CLYBL: variants seen among roughly 807,000 people sequenced by gnomAD.
The protein encoded by CLYBL is citramalyl-CoA lyase, mitochondrial.
Under a neutral mutation model 38.9 loss-of-function variants are expected in CLYBL, and 31 were observed. The observed-to-expected ratio is 0.80, with a 90% CI of 0.60 to 1.08. CLYBL has a LOEUF of 1.08. CLYBL is among the 50% of genes least tolerant of loss of function. CLYBL has a pLI of 0.00. For synonymous variants in CLYBL, 171 were observed against 158.6 expected (o/e 1.08, Z -0.59); for missense variants, 434 against 411.6 (o/e 1.05, Z -0.47).
intron 1 of CLYBL, among the ~76,000 whole-genome samples, chr13:99,617,651 A>G (rs2046733687): frequency 7.5e-6 from 1 of 134,218 alleles, no homozygotes; most frequent in African/African-American, 2.5e-5. Flanking sequence ...CAGAAGATGT[A>G]AGAGTTTTTT....
chr13:99,814,867 C>A (rs956598289), intron 2 of CLYBL, among the ~76,000 whole-genome samples: 5 of 152,002 alleles, frequency 3.3e-5, no homozygotes. Flanking sequence ...CTCATCTCTA[C>A]AAAAAATCAA....
rs1010886892 is a variant in CLYBL, at chr13:99,822,304, A to G, written c.250-36557A>G. Among the ~76,000 whole-genome samples the G allele has an allele frequency of 3.5e-4, 54 of 152,246 alleles. 1 individual carries two copies. Among genetic ancestry groups the G allele is most frequent in the African/African-American group, 1.3e-3 (54 of 41,468 alleles). On this transcript the variant is annotated intron_variant, in intron 2 of 8. Coordinates refer to ENST00000339105, the MANE Select transcript of CLYBL (RefSeq NM_206808.5). ...GCATACCATCAAGTCCAAAGTAGGT[A>G]GAGAAGAATGTAAATAGCAGAGCAA...
chr13:99,700,565 T>G (rs992284257), intron 1 of CLYBL, among the ~76,000 whole-genome samples: 1 of 152,170 alleles, frequency 6.6e-6, no homozygotes, highest in African/African-American at 2.4e-5. Context: ...GTGGTGTTTG[T>G]GATGGGAAGT....
chr13:99,739,330 T>C (rs1332339549), intron 1 of CLYBL, among the ~76,000 whole-genome samples: 2 of 152,150 alleles, frequency 1.3e-5, no homozygotes, highest in Non-Finnish European at 2.9e-5. Flanking sequence ...TTTTAAGTCA[T>C]ATTTTCATGA....
At chr13:99,748,429 GTTT>G (rs1165919560) in intron 1 of CLYBL, among the ~76,000 whole-genome samples, 36 of 87,684 alleles carry the variant, frequency 4.1e-4, no homozygotes, top group Admixed American at 2.0e-3. Flanking sequence ...CTAGTTTTGT[GTTT>G]TTTTTTTTTT....
chr13:99,617,677 C>G (rs961792772), intron 1 of CLYBL, among the ~76,000 whole-genome samples: 2 of 152,122 alleles, frequency 1.3e-5, no homozygotes, highest in Middle Eastern at 3.2e-3. Context: ...CATTTTAAGG[C>G]AAATGAAAGA....
At position 99,849,123 on chromosome 13, in the gene CLYBL, G is replaced by A. The variant is rs75274492; in HGVS notation, c.250-9738G>A. On this transcript the variant is annotated intron_variant, in intron 2 of 8. Transcript: ENST00000339105. The surrounding 1 kb of genome is among the most constrained non-coding windows in gnomAD (Gnocchi z 4.9). ...CATTACACTCCAGCCTAAGAGACAC[G>A]TGAGACTCCATCTCAAAAAAAGAAA... 0.024 allele frequency among the ~76,000 whole-genome samples: 3,511 copies of A among 148,680 alleles called. 101 individuals are homozygous for A. The highest frequency in any genetic ancestry group is 0.17 in the East Asian group (831 of 4,994).
intron 2 of CLYBL, among the ~76,000 whole-genome samples, chr13:99,777,493 TTTC>T (rs1365131867): frequency 2.7e-5 from 3 of 109,602 alleles, no homozygotes; most frequent in Admixed American, 9.3e-5. Flanking sequence ...TTTCTTTTCT[TTTC>T]TTTTTTTTTT....
chr13:99,832,622 A>T (rs1045888541), intron 2 of CLYBL, among the ~76,000 whole-genome samples: 8 of 152,118 alleles, frequency 5.3e-5, no homozygotes, highest in African/African-American at 1.9e-4. Flanking sequence ...ATAATTCTCT[A>T]GTCCTGAAGT....
At chr13:99,875,118 A>G (rs1239821562) in intron 7 of CLYBL, among the ~76,000 whole-genome samples, 2 of 152,212 alleles carry the variant, frequency 1.3e-5, no homozygotes, top group East Asian at 3.8e-4. Flanking sequence ...CAAGTTGGCT[A>G]AAGACTGAGG....
chr13:99,725,688 G>T (rs1166684317), intron 1 of CLYBL, among the ~76,000 whole-genome samples: 2 of 152,162 alleles, frequency 1.3e-5, no homozygotes, highest in African/African-American at 4.8e-5. Context: ...TGTACGTAAT[G>T]TTTATTTATT....
At chr13:99,811,424 G>A (rs1161386456) in intron 2 of CLYBL, among the ~76,000 whole-genome samples, 1 of 152,182 alleles carries the variant, frequency 6.6e-6, no homozygotes, top group Non-Finnish European at 1.5e-5. Context: ...CAGGAGCCAG[G>A]GAAGGATGGG....
chr13:99,739,985 C>CA lies in CLYBL; in HGVS notation c.63-32832dup, dbSNP rs368060644. Among the ~76,000 whole-genome samples, 575 of 146,456 alleles carry CA rather than the reference C, an allele frequency of 3.9e-3. 7 individuals carry two copies. The highest frequency in any genetic ancestry group is 0.014 in the African/African-American group (558 of 41,066). On this transcript the variant is annotated intron_variant, in intron 1 of 8. Transcript: ENST00000339105. ...AAACTCCATCTTGAGGAAAAAAAAA[C>CA]AAAAAAACAAAAAAACTGTATTTGT... is the stretch of plus-strand genomic sequence containing the variant.
At chr13:99,907,820 C>T (rs867739893) in intron 9 of CLYBL, among the ~76,000 whole-genome samples, 29 of 152,184 alleles carry the variant, frequency 1.9e-4, no homozygotes, top group Admixed American at 3.9e-4. Context: ...CATAGCAAGA[C>T]TCCATCTCAA....
chr13:99,885,491 G>T (rs2052328526), intron 7 of CLYBL, among the ~76,000 whole-genome samples: 2 of 152,134 alleles, frequency 1.3e-5, no homozygotes, highest in Admixed American at 6.5e-5. Flanking sequence ...CAAGTCCAAA[G>T]AAAACCATGG....
intron 2 of CLYBL, among the ~76,000 whole-genome samples, chr13:99,795,414 G>A (rs1008758679): frequency 1.3e-5 from 2 of 152,134 alleles, no homozygotes; most frequent in African/African-American, 4.8e-5. Flanking sequence ...AGCACTTTGG[G>A]AGGCTGAGGA....
At chr13:99,831,199 C>T (rs1173207909) in intron 2 of CLYBL, among the ~76,000 whole-genome samples, 1 of 152,188 alleles carries the variant, frequency 6.6e-6, no homozygotes, top group Non-Finnish European at 1.5e-5. Context: ...CTCAAGTCCA[C>T]ATTTCTGGGC....
At chr13:99,900,398 T>C (rs1876403785), downstream of CLYBL, among the ~76,000 whole-genome samples, 1 of 152,110 alleles carries the variant, frequency 6.6e-6, no homozygotes, top group Admixed American at 6.6e-5. Flanking sequence ...GCTCCACTGC[T>C]GGCCTATGGA....
rs149459235 is a variant in CLYBL, at chr13:99,684,131, C to T, written c.62+77374C>T. 1.4e-3 allele frequency among the ~76,000 whole-genome samples: 205 copies of T among 148,412 alleles called. 2 individuals carry two copies. The highest frequency in any genetic ancestry group is 4.8e-3 in the African/African-American group (193 of 40,226). On this transcript the variant is annotated intron_variant, in intron 1 of 8. Coordinates refer to ENST00000339105, the MANE Select transcript of CLYBL (RefSeq NM_206808.5). ...TCCTGACCTTATGATCTGCCCACCT[C>T]GGCCTCCCAAAGTGCTATGATTACA...
Sources: allele counts gnomAD v4.1 joint callset (sites outside exome capture counted in the v4.1 genomes callset), GRCh38; gene constraint gnomAD v4.1.1; non-coding constraint Gnocchi (gnomAD v3.1); transcripts MANE v1.5; gene names NCBI Gene and HGNC (gene_info 2026-07-23, HGNC 2026-07-21).